TBCE: variants seen among roughly 807,000 people sequenced by gnomAD.
TBCE encodes tubulin-specific chaperone E.
In TBCE, 53 loss-of-function variants were observed where a neutral mutation model predicts 77.0. That is an observed-to-expected ratio of 0.69 (90% CI 0.55 to 0.87). TBCE has a LOEUF of 0.87. TBCE is among the 40% of genes least tolerant of loss of function. The pLI, the probability that TBCE is intolerant of heterozygous loss-of-function variation, is 0.00. For synonymous variants in TBCE, 235 were observed against 241.3 expected (o/e 0.97, Z 0.24); for missense variants, 624 against 622.4 (o/e 1.00, Z -0.03).
chr1:235,411,624 C>G (rs1257162111), intron 3 of TBCE, among the ~76,000 whole-genome samples: 1 of 152,096 alleles, frequency 6.6e-6, no homozygotes, highest in Admixed American at 6.5e-5. Flanking sequence ...AATGGCTACT[C>G]CATAGGCAGA....
chr1:235,426,324 CT>C (rs1680712522), intron 5 of TBCE, among the ~76,000 whole-genome samples: 2 of 152,312 alleles, frequency 1.3e-5, no homozygotes, highest in Admixed American at 6.5e-5. Flanking sequence ...ACTGTTACAA[CT>C]GCTTCCAGGC....
rs144747353 is a variant in TBCE at position 235,414,441 on chromosome 1, C to A, written c.194C>A (p.Thr65Lys). ...TTGCTCTTCTTTACCAGGCACCCGACAGGAGGATCCTTTATTCGTCCGAAC... is the reference window on the plus strand; with the variant it reads ...TTGCTCTTCTTTACCAGGCACCCGAAAGGAGGATCCTTTATTCGTCCGAAC... ...GTVYFKCRHPTGGSFIRPNKV... is the reference protein window; with the variant it reads ...GTVYFKCRHPKGGSFIRPNKV... The change falls in exon 4 of 17, where the codon ACA becomes AAA. Residue 65 changes from threonine (T) to lysine (K), a missense_variant. Thr to Lys is a moderately conservative substitution (Grantham distance 78, BLOSUM62 -1). Transcript: ENST00000642610. The A allele has an allele frequency of 2.1e-4, 342 of 1,613,668 alleles. No homozygotes were observed. In the African/African-American group the frequency reaches 3.3e-3, roughly 16 times the overall value.
chr1:235,420,481 A>ATT lies in TBCE; in HGVS notation c.460+939_460+940dup, dbSNP rs36062739. On this transcript the variant is annotated intron_variant, in intron 5 of 16. Transcript: ENST00000642610. ...AGGTGCCCGCCACCATGTCTGGCTAATTTTTTTTTTTTTTTTTTTTGAGAC... is the reference window on the plus strand; with the variant it reads ...AGGTGCCCGCCACCATGTCTGGCTAATTTTTTTTTTTTTTTTTTTTTTGAGAC... Among the ~76,000 whole-genome samples the ATT allele has an allele frequency of 6.2e-3, 666 of 107,064 alleles. 26 individuals carry two copies. Among genetic ancestry groups the ATT allele is most frequent in the Middle Eastern group, 0.024 (4 of 166 alleles). The allele number at this position is 107,064 out of a possible 152,430, so 70.2% of individuals were successfully genotyped here. A position where few individuals can be genotyped will look rare whatever the true frequency, so the allele number is the denominator to read the frequency against.
intron 1 of TBCE, among the ~76,000 whole-genome samples, chr1:235,368,552 C>CTTTTATTTTT (rs1676704693): frequency 2.0e-5 from 1 of 49,770 alleles, no homozygotes; most frequent in Non-Finnish European, 3.3e-5. Context: ...GGACAGCCTG[C>CTTTTATTTTT]TTTTTTTTTT....
intron 3 of TBCE, among the ~76,000 whole-genome samples, chr1:235,410,600 AGAATGCCTAACAGTCTG>A (rs1679731623): frequency 6.6e-6 from 1 of 152,182 alleles, no homozygotes; most frequent in Admixed American, 6.5e-5. Context: ...CCTGAGACTT[AGAATGCCTAACAGTCTG>A]GAATGCAGCC....
Position 235,374,001 on chromosome 1 carries a change from GTCTT to G in TBCE, c.-31-6012_-31-6009del, listed in dbSNP as rs1475666487. 6.2e-5 allele frequency among the ~76,000 whole-genome samples: 9 copies of G among 144,838 alleles called. 1 individual carries two copies. The highest frequency in any genetic ancestry group is 1.1e-4 in the Non-Finnish European group (7 of 66,390). ...ATTTTATTTATTTTTTTGAGACTGAGTCTTTCTTTGTTGCCCAGGCTGGAATGCA... is the reference window on the plus strand; with the variant it reads ...ATTTTATTTATTTTTTTGAGACTGAGTCTTTGTTGCCCAGGCTGGAATGCA... On this transcript the variant is annotated intron_variant, in intron 1 of 16. Transcript: ENST00000642610.
At chr1:235,419,212 C>T in intron 4 of TBCE, 1 of 548,796 alleles carries the variant, frequency 1.8e-6, no homozygotes, top group South Asian at 2.1e-5. Flanking sequence ...GGCTAAAAAG[C>T]AAAAAGAAAA....
At chr1:235,398,951 T>G (rs1201110784) in intron 2 of TBCE, among the ~76,000 whole-genome samples, 2 of 146,634 alleles carry the variant, frequency 1.4e-5, no homozygotes, top group African/African-American at 5.1e-5. Flanking sequence ...AGCCACTATT[T>G]CTTTTCTTTT....
chr1:235,421,319 G>T (rs2102895411), intron 5 of TBCE, among the ~76,000 whole-genome samples: 1 of 152,296 alleles, frequency 6.6e-6, no homozygotes, highest in African/African-American at 2.4e-5. Context: ...GGAGGCTGAG[G>T]TGGGAGGACT....
At chr1:235,401,456 G>T in intron 2 of TBCE, 47 bp from the exon 3 acceptor site, 5 of 1,518,948 alleles carry the variant, frequency 3.3e-6, no homozygotes, top group South Asian at 1.1e-5. Flanking sequence ...CTGGAGCATT[G>T]CCTGTATCAT....
chr1:235,380,161 TTG>T lies in TBCE; in HGVS notation c.100+64_100+65del, dbSNP rs10524346. On this transcript the variant is annotated intron_variant, in intron 2 of 16. Transcript: ENST00000642610. ...CCCTCCCGTGGCAGGTAAGCAATTA[TTG>T]TGTGTGTGTGTGTGTGTGTGTGTGT... 0.046 allele frequency: 51,809 copies of T among 1,120,498 alleles called. 788 individuals are homozygous for T. The highest frequency in any genetic ancestry group is 0.062 in the South Asian group (4,774 of 76,532). The allele number at this position is 1,120,498 out of a possible 1,614,324, so 69.4% of individuals were successfully genotyped here.
chr1:235,443,926 A>G (rs1245526632), intron 15 of TBCE, among the ~76,000 whole-genome samples: 1 of 152,232 alleles, frequency 6.6e-6, no homozygotes, highest in Admixed American at 6.5e-5. Context: ...ATTATAGTCT[A>G]TTTTTGAGTA....
intron 3 of TBCE, among the ~76,000 whole-genome samples, chr1:235,405,962 G>A (rs1175191684): frequency 2.0e-5 from 3 of 152,172 alleles, no homozygotes; most frequent in African/African-American, 7.2e-5. Flanking sequence ...TCATTATGTG[G>A]TGCATGACTG....
At chr1:235,420,121 C>T (rs1680318199) in intron 5 of TBCE, among the ~76,000 whole-genome samples, 1 of 152,126 alleles carries the variant, frequency 6.6e-6, no homozygotes, top group South Asian at 2.1e-4. Context: ...TGGCCTCTGC[C>T]TTTTGCCTGT....
chr1:235,404,421 T>TAA (rs75951633), intron 3 of TBCE, among the ~76,000 whole-genome samples: 7 of 142,882 alleles, frequency 4.9e-5, no homozygotes, highest in African/African-American at 1.5e-4. Context: ...GATCTCATCA[T>TAA]AAAAAAAAAA....
At position 235,449,347 on chromosome 1, in the gene TBCE, T is replaced by G. The variant is rs1682750783; in HGVS notation, c.*585T>G. 1.9e-5 allele frequency: 3 copies of G among 155,622 alleles called. No homozygotes were observed. Among genetic ancestry groups the G allele is most frequent in the Non-Finnish European group, 1.4e-5 (1 of 70,158 alleles). The allele number at this position is 155,622 out of a possible 1,614,324, so 9.6% of individuals were successfully genotyped here. A position where few individuals can be genotyped will look rare whatever the true frequency, so the allele number is the denominator to read the frequency against. ...CTGTGATAACCAGCTTTGATTGAAA[T>G]GTACTCATATTAGGTAAACATTAGG... is the stretch of plus-strand genomic sequence containing the variant. On this transcript the variant is annotated 3_prime_UTR_variant, in exon 17 of 17. Transcript: ENST00000642610.
chr1:235,420,845 C>T (rs1167743364), intron 5 of TBCE, among the ~76,000 whole-genome samples: 3 of 152,154 alleles, frequency 2.0e-5, no homozygotes, highest in Admixed American at 2.0e-4. Context: ...AGGCTGGTCA[C>T]GAACTCCTGA....
At chr1:235,422,511 A>T (rs1680452428) in intron 5 of TBCE, among the ~76,000 whole-genome samples, 1 of 147,914 alleles carries the variant, frequency 6.8e-6, no homozygotes, top group Non-Finnish European at 1.5e-5. Flanking sequence ...GCAGGACTCC[A>T]TCTCAAAAAA....
intron 15 of TBCE, among the ~76,000 whole-genome samples, chr1:235,448,018 G>A (rs143306008): frequency 0.027 from 4,112 of 152,098 alleles, 189 homozygotes; most frequent in African/African-American, 0.092. Context: ...AGACCAGCCT[G>A]GCCAACATGG....
Sources: allele counts gnomAD v4.1 joint callset (sites outside exome capture counted in the v4.1 genomes callset), GRCh38; gene constraint gnomAD v4.1.1; transcripts MANE v1.5; gene names NCBI Gene and HGNC (gene_info 2026-07-23, HGNC 2026-07-21).